CSMD1: variants seen among roughly 807,000 people sequenced by gnomAD.
CSMD1 encodes the protein CUB and sushi domain-containing protein 1.
Under a neutral mutation model 417.5 loss-of-function variants are expected in CSMD1, and 213 were observed. That is an observed-to-expected ratio of 0.51 (90% CI 0.46 to 0.57). CSMD1 has a LOEUF of 0.57. Ranked by LOEUF, CSMD1 falls within the 20% of genes least tolerant of loss-of-function variation. CSMD1 has a pLI of 0.00. For synonymous variants in CSMD1, 2,862 were observed against 1,736.8 expected (o/e 1.65, Z -16.11); for missense variants, 6,923 against 4,529.7 (o/e 1.53, Z -15.17).
chr8:4,892,608 AAGT>A (rs764539692), intron 1 of CSMD1, among the ~76,000 whole-genome samples: 44 of 152,200 alleles, frequency 2.9e-4, no homozygotes, highest in Admixed American at 1.5e-3. Context: ...AAAAAAGTAA[AAGT>A]AGTCTTTCCT....
chr8:4,345,074 G>C (rs1250981201), intron 3 of CSMD1, among the ~76,000 whole-genome samples: 2 of 151,620 alleles, frequency 1.3e-5, no homozygotes. Context: ...TCTGTGGTTG[G>C]GGCTTAGAAA....
At chr8:3,626,404 T>A (rs751176312) in intron 7 of CSMD1, among the ~76,000 whole-genome samples, 1 of 152,216 alleles carries the variant, frequency 6.6e-6, no homozygotes, top group Non-Finnish European at 1.5e-5. Context: ...CAGTTTATAT[T>A]ACTTTGCATA....
In CSMD1 at chr8:4,200,855, C is replaced by T. The variant is rs114363953; in HGVS notation, c.416-168756G>A. 2.2e-3 allele frequency among the ~76,000 whole-genome samples: 329 copies of T among 151,970 alleles called. 1 individual carries two copies. The highest frequency in any genetic ancestry group is 7.7e-3 in the African/African-American group (318 of 41,282). ...CCTGAGTGACAAAGTGAAACCCTGT[C>T]TCAAAATAATGATGATAATAATAAT... On this transcript the variant is annotated intron_variant, in intron 3 of 69. Transcript: ENST00000635120.
intron 1 of CSMD1, among the ~76,000 whole-genome samples, chr8:4,840,665 A>T (rs149675990): frequency 2.5e-3 from 388 of 152,298 alleles, no homozygotes; most frequent in African/African-American, 9.1e-3. Context: ...CGTGTCCCAA[A>T]AAAGGTGCCT....
chr8:3,259,971 G>A (rs913434529), intron 26 of CSMD1, among the ~76,000 whole-genome samples: 3 of 152,160 alleles, frequency 2.0e-5, no homozygotes, highest in Non-Finnish European at 2.9e-5. Context: ...CTGAGGACCT[G>A]CCTTGGAGAC....
chr8:4,547,493 C>A (rs760388016), intron 2 of CSMD1, among the ~76,000 whole-genome samples: 4 of 152,144 alleles, frequency 2.6e-5, no homozygotes, highest in South Asian at 2.1e-4. Flanking sequence ...CATTTCTGGC[C>A]TCTTTTTTTC....
chr8:3,345,048 T>C (rs1807899855), intron 22 of CSMD1, among the ~76,000 whole-genome samples: 1 of 152,218 alleles, frequency 6.6e-6, no homozygotes, highest in Non-Finnish European at 1.5e-5. Context: ...CAGGTCTCCC[T>C]AGGAAGGCCT....
chr8:4,214,333 T>A (rs556175081), intron 3 of CSMD1, among the ~76,000 whole-genome samples: 2 of 152,348 alleles, frequency 1.3e-5, no homozygotes, highest in African/African-American at 4.8e-5. Context: ...GGTCTCACTC[T>A]GTCACTGAGG....
chr8:3,737,365 C>G (rs1796575871), intron 6 of CSMD1, among the ~76,000 whole-genome samples: 1 of 152,188 alleles, frequency 6.6e-6, no homozygotes, highest in Non-Finnish European at 1.5e-5. Context: ...CTTTCTCTAT[C>G]ACATTCTTCA....
chr8:3,986,333 C>G lies in CSMD1; in HGVS notation c.818+11570G>C, dbSNP rs75941127. On this transcript the variant is annotated intron_variant, in intron 5 of 69. Coordinates refer to ENST00000635120, the MANE Select transcript of CSMD1 (RefSeq NM_033225.6). ...TCAGTGAAAACCCTTCTAGGGTGTT[C>G]ATTGAAATGTAGATCCCTGAGCACT... Among the ~76,000 whole-genome samples the G allele has an allele frequency of 5.5e-3, 836 of 152,252 alleles. 10 individuals are homozygous for G. Among genetic ancestry groups the G allele is most frequent in the African/African-American group, 0.019 (770 of 41,536 alleles).
At chr8:4,124,270 G>A (rs1353200256) in intron 3 of CSMD1, among the ~76,000 whole-genome samples, 2 of 152,074 alleles carry the variant, frequency 1.3e-5, no homozygotes, top group African/African-American at 2.4e-5. Context: ...GCACTGACTG[G>A]CAAATTAATA....
intron 49 of CSMD1, among the ~76,000 whole-genome samples, chr8:3,082,913 C>T (rs959611006): frequency 6.6e-6 from 1 of 152,114 alleles, no homozygotes; most frequent in Non-Finnish European, 1.5e-5. Flanking sequence ...AGCTTTATAT[C>T]GAATGTGAAC....
intron 5 of CSMD1, among the ~76,000 whole-genome samples, chr8:3,766,862 A>G (rs1288764105): frequency 6.6e-6 from 1 of 152,054 alleles, no homozygotes. Context: ...TCTTTTTTCT[A>G]GCAAATTTCT....
chr8:3,072,665 T>C (rs529995314), intron 49 of CSMD1, among the ~76,000 whole-genome samples: 3 of 152,286 alleles, frequency 2.0e-5, no homozygotes, highest in African/African-American at 7.2e-5. Context: ...CAATTTTAAT[T>C]AGCACTAGGG....
chr8:3,916,509 T>C (rs1234009775), intron 5 of CSMD1, among the ~76,000 whole-genome samples: 1 of 152,190 alleles, frequency 6.6e-6, no homozygotes, highest in Non-Finnish European at 1.5e-5. Context: ...GGAATTAACT[T>C]CCTACTTAGG....
chr8:4,870,795 A>G (rs76875448), intron 1 of CSMD1, among the ~76,000 whole-genome samples: 2,414 of 152,232 alleles, frequency 0.016, 32 homozygotes, highest in Middle Eastern at 0.031. Context: ...GGAAAATGCC[A>G]CCGAGGAAGA....
rs1176993778 is a variant in CSMD1, at chr8:3,187,897, C to G, written c.5592G>C (p.Val1864=). The part of the protein sequence containing the change: ...DSLEIHDGGD[V]TAPRLGSFSG... ...AGAAGCTTCCCAGTCTGGGTGCGGT[C>G]ACATCCCCACCATCGTGGATCTCAA... Residue 1864 remains valine (V), a synonymous_variant, in exon 36 of 70, where the codon GTG becomes GTC. Transcript: ENST00000635120. 1.9e-6 allele frequency: 3 copies of G among 1,613,054 alleles called. No individual in the cohort carries two copies. Among genetic ancestry groups the G allele is most frequent in the Non-Finnish European group, 2.5e-6 (3 of 1,179,506 alleles).
chr8:4,236,031 TTTTG>T (rs1312581405), intron 3 of CSMD1, among the ~76,000 whole-genome samples: 1 of 20,562 alleles, frequency 4.9e-5, no homozygotes, highest in Admixed American at 6.9e-4. Flanking sequence ...ATATTGTTTT[TTTTG>T]TTTGTTTTTT....
In CSMD1 at chr8:4,341,775, G is replaced by C. The variant is rs1032916447; in HGVS notation, c.415+78178C>G. 1.3e-5 allele frequency among the ~76,000 whole-genome samples: 2 copies of C among 152,070 alleles called. 1 individual carries two copies. Among genetic ancestry groups the C allele is most frequent in the African/African-American group, 4.8e-5 (2 of 41,416 alleles). Reference sequence around the variant, plus strand: ...TGCATTAATAATGGTCAATAATATTGTGCAGATTTCAGTGCCCATTAATTT... The same window carrying C: ...TGCATTAATAATGGTCAATAATATTCTGCAGATTTCAGTGCCCATTAATTT... On this transcript the variant is annotated intron_variant, in intron 3 of 69. Transcript: ENST00000635120.
Sources: gnomAD v4.1 joint callset for allele counts (sites outside exome capture counted in the v4.1 genomes callset) on GRCh38, gnomAD v4.1.1 for gene constraint, MANE v1.5 for transcripts, NCBI Gene and HGNC (gene_info 2026-07-23, HGNC 2026-07-21) for gene names.